ARHGAP24: variants seen among roughly 807,000 people sequenced by gnomAD.
ARHGAP24 encodes the protein rho GTPase-activating protein 24.
ARHGAP24 carries 50 observed loss-of-function variants against 76.4 expected under a neutral mutation model. The observed-to-expected ratio is 0.65, with a 90% CI of 0.52 to 0.83. ARHGAP24 has a LOEUF of 0.83. Ranked by LOEUF, ARHGAP24 falls within the 40% of genes least tolerant of loss-of-function variation. The pLI is 0.00. For missense variants in ARHGAP24, 930 were observed against 914.2 expected, an observed-to-expected ratio of 1.02 and a Z score of -0.22; for synonymous variants, 345 against 323.3, an observed-to-expected ratio of 1.07 and a Z score of -0.72.
At chr4:85,850,604 A>C (rs554653221) in intron 3 of ARHGAP24, among the ~76,000 whole-genome samples, 334 of 152,130 alleles carry the variant, frequency 2.2e-3, no homozygotes, top group East Asian at 5.8e-3. Context: ...AAATTTCCCT[A>C]TACACACTGC....
At chr4:85,521,860 T>C (rs1724776360) in intron 1 of ARHGAP24, among the ~76,000 whole-genome samples, 1 of 152,166 alleles carries the variant, frequency 6.6e-6, no homozygotes, top group African/African-American at 2.4e-5. Context: ...AGTTATTTAT[T>C]ATTGACGATC....
At chr4:85,724,811 T>C (rs1456042212) in intron 3 of ARHGAP24, among the ~76,000 whole-genome samples, 1 of 152,196 alleles carries the variant, frequency 6.6e-6, no homozygotes, top group Non-Finnish European at 1.5e-5. Flanking sequence ...CCATGAGTTA[T>C]AGATTTTTCG....
chr4:85,595,076 A>G (rs1169012713), intron 2 of ARHGAP24, among the ~76,000 whole-genome samples: 1 of 151,742 alleles, frequency 6.6e-6, no homozygotes, highest in Admixed American at 6.6e-5. Context: ...CTTTTCTCCC[A>G]GGCTTGGATA....
chr4:85,523,530 G>A lies in ARHGAP24; in HGVS notation c.-20-46992G>A, dbSNP rs1407834623. ...AATATAAATGTTTATTATTTGTGCA[G>A]TTGTCAGACAATTTAGCATAAATGA... On this transcript the variant is annotated intron_variant, in intron 1 of 9. Coordinates refer to ENST00000395184, the MANE Select transcript of ARHGAP24 (RefSeq NM_001025616.3). Among the ~76,000 whole-genome samples, 4 of 152,268 alleles carry A rather than the reference G, an allele frequency of 2.6e-5. No homozygotes were observed. In the East Asian group the frequency reaches 5.8e-4, roughly 22 times the overall value.
At chr4:85,601,525 G>T (rs1442868016) in intron 2 of ARHGAP24, among the ~76,000 whole-genome samples, 1 of 152,064 alleles carries the variant, frequency 6.6e-6, no homozygotes, top group Non-Finnish European at 1.5e-5. Context: ...AGCATCCCTG[G>T]CTTCTACGCG....
At chr4:85,633,719 C>T (rs976193666) in intron 2 of ARHGAP24, among the ~76,000 whole-genome samples, 2 of 151,612 alleles carry the variant, frequency 1.3e-5, no homozygotes, top group Non-Finnish European at 3.0e-5. Flanking sequence ...TTTTAATTAA[C>T]TATTGTAAAT....
chr4:85,766,889 G>A (rs1726949719), intron 3 of ARHGAP24, among the ~76,000 whole-genome samples: 1 of 151,966 alleles, frequency 6.6e-6, no homozygotes, highest in Admixed American at 6.6e-5. Context: ...ACAATGTTTT[G>A]GTCAACAACA....
At chr4:85,683,798 C>T (rs1477725182) in intron 2 of ARHGAP24, among the ~76,000 whole-genome samples, 1 of 152,126 alleles carries the variant, frequency 6.6e-6, no homozygotes, top group Admixed American at 6.5e-5. Flanking sequence ...ATCTCTCTAC[C>T]TTGGCTTCTC....
chr4:85,702,951 A>G (rs568209854), intron 2 of ARHGAP24, among the ~76,000 whole-genome samples: 11 of 152,218 alleles, frequency 7.2e-5, no homozygotes, highest in African/African-American at 2.6e-4. Context: ...ATGGACAGAG[A>G]AAGGCAAAGG....
rs754624116 is a variant in ARHGAP24 at position 85,995,288 on chromosome 4, A to G, written c.1634A>G (p.Asp545Gly). ...CAACAGTTCTCCATGATGAACCTTG[A>G]TGACAAGCAGAGCATTGACAGTGCT... ...VHQQFSMMNL[D>G]DKQSIDSATW... The change falls in exon 9 of 10, where the codon GAT (aspartate) becomes GGT (glycine). Residue 545 changes from aspartate to glycine, a missense_variant. By Grantham distance (94) the Asp-to-Gly change is moderately conservative. Transcript: ENST00000395184. The G allele has an allele frequency of 2.8e-5, 45 of 1,614,052 alleles. No individual in the cohort carries two copies. Among genetic ancestry groups the G allele is most frequent in the Non-Finnish European group, 3.8e-5 (45 of 1,180,032 alleles).
chr4:85,475,663 CGGGGGG>C, intron 1 of ARHGAP24, 104 bp downstream of exon 1: 1 of 20,560 alleles, frequency 4.9e-5, no homozygotes, highest in South Asian at 4.0e-3. Flanking sequence ...GAGGGGGCTG[CGGGGGG>C]CGGGGAGGGG....
intron 5 of ARHGAP24, among the ~76,000 whole-genome samples, chr4:85,965,996 G>A (rs997209303): frequency 6.6e-6 from 1 of 152,092 alleles, no homozygotes; most frequent in Non-Finnish European, 1.5e-5. Context: ...CTGGTAGCTT[G>A]AAACAACAGA....
chr4:85,877,777 A>C (rs996488425), intron 3 of ARHGAP24, among the ~76,000 whole-genome samples: 2 of 152,126 alleles, frequency 1.3e-5, no homozygotes, highest in Non-Finnish European at 2.9e-5. Context: ...AACTTACTAA[A>C]CTTGCCCAGT....
At chr4:85,623,926 C>T (rs1366702399) in intron 2 of ARHGAP24, among the ~76,000 whole-genome samples, 1 of 151,688 alleles carries the variant, frequency 6.6e-6, no homozygotes, top group Non-Finnish European at 1.5e-5. Flanking sequence ...GTGATTTTTG[C>T]ACAGTGATTT....
intron 4 of ARHGAP24, among the ~76,000 whole-genome samples, chr4:85,928,568 C>T (rs1243300106): frequency 6.6e-6 from 1 of 152,164 alleles, no homozygotes; most frequent in Admixed American, 6.5e-5. Flanking sequence ...AGTGATTCTC[C>T]TGCCTCAGCC....
At chr4:85,925,671 CT>C (rs1392164143) in intron 4 of ARHGAP24, among the ~76,000 whole-genome samples, 2 of 152,076 alleles carry the variant, frequency 1.3e-5, no homozygotes, top group African/African-American at 4.8e-5. Flanking sequence ...CATAAATTTA[CT>C]TTATCATAGT....
At chr4:85,545,638 G>T (rs1027642785) in intron 1 of ARHGAP24, among the ~76,000 whole-genome samples, 4 of 152,112 alleles carry the variant, frequency 2.6e-5, no homozygotes, top group Non-Finnish European at 5.9e-5. Context: ...AGTCAATGTG[G>T]CAGAAAGTTC....
chr4:85,931,712 G>C (rs958431308), intron 4 of ARHGAP24, among the ~76,000 whole-genome samples: 1 of 152,110 alleles, frequency 6.6e-6, no homozygotes, highest in African/African-American at 2.4e-5. Context: ...GACTTATTTG[G>C]GGGGAGTTAG....
intron 3 of ARHGAP24, among the ~76,000 whole-genome samples, chr4:85,907,953 G>C (rs987016554): frequency 3.3e-5 from 5 of 152,132 alleles, no homozygotes; most frequent in African/African-American, 1.2e-4. Context: ...AAGGGCAAAA[G>C]ACAATTCTTT....
Sources: gnomAD v4.1 joint callset for allele counts (sites outside exome capture counted in the v4.1 genomes callset) on GRCh38, gnomAD v4.1.1 for gene constraint, MANE v1.5 for transcripts, NCBI Gene and HGNC (gene_info 2026-07-23, HGNC 2026-07-21) for gene names.